PCDHA4: variants seen among roughly 807,000 people sequenced by gnomAD.
PCDHA4 encodes the protein protocadherin alpha 4.
A neutral mutation model predicts 61.4 loss-of-function variants in PCDHA4; 49 were observed. The ratio of observed to expected loss-of-function variants is 0.80; its 90% CI spans 0.63 to 1.01. PCDHA4 has a LOEUF of 1.01. PCDHA4 is among the 50% of genes least tolerant of loss of function. The probability of loss-of-function intolerance (pLI) is 0.00; values close to 1 mark genes in which losing one functional copy is unlikely to be tolerated. For synonymous variants in PCDHA4, 590 were observed against 550.3 expected (o/e 1.07, Z -1.01); for missense variants, 1,254 against 1,235.8 (o/e 1.01, Z -0.22).
At chr5:140,829,846 G>T in intron 1 of PCDHA4, 1 of 1,613,940 alleles carries the variant, frequency 6.2e-7, no homozygotes, top group Non-Finnish European at 8.5e-7. Flanking sequence ...CGCGGTCACT[G>T]GGTGCAGGCC....
Position 140,849,731 on chromosome 5 carries a change from T to C in PCDHA4, c.2385+40159T>C, listed in dbSNP as rs2150447251. 21,072 of 1,598,236 alleles carry C rather than the reference T, an allele frequency of 0.013. 2,656 individuals are homozygous for C. In the African/African-American group the frequency reaches 0.2, roughly 15 times the overall value. ...ACTACTCGTTGGTGCTGGACAGAGC[T>C]CTGGACCGCGAGAGTGTGTCCGCCT... is the stretch of plus-strand genomic sequence containing the variant. On this transcript the variant is annotated intron_variant, in intron 1 of 3. Transcript: ENST00000530339.
intron 1 of PCDHA4, among the ~76,000 whole-genome samples, chr5:140,898,151 CT>C (rs2066567806): frequency 6.6e-6 from 1 of 152,158 alleles, no homozygotes; most frequent in Admixed American, 6.5e-5. Context: ...CCTGTTCACG[CT>C]GATGGTGGTT....
At chr5:140,822,195 CATTTTA>C (rs2150114492) in intron 1 of PCDHA4, 1 of 1,614,118 alleles carries the variant, frequency 6.2e-7, no homozygotes, top group Non-Finnish European at 8.5e-7. Context: ...AAAGATTATT[CATTTTA>C]GAGTCAAGAA....
intron 1 of PCDHA4, chr5:140,850,397 G>A: frequency 1.3e-6 from 2 of 1,597,954 alleles, no homozygotes; most frequent in Non-Finnish European, 1.7e-6. Context: ...TCAGCACAAC[G>A]CGTGCCCTGG....
chr5:140,870,655 G>A (rs1554164527), intron 1 of PCDHA4: 1 of 1,612,540 alleles, frequency 6.2e-7, no homozygotes, highest in Non-Finnish European at 8.5e-7. Context: ...CAAGGTGTAC[G>A]CGCTGCAGCC....
At chr5:140,951,440 A>G (rs1296002857) in intron 1 of PCDHA4, among the ~76,000 whole-genome samples, 2 of 152,004 alleles carry the variant, frequency 1.3e-5, no homozygotes, top group Non-Finnish European at 2.9e-5. Flanking sequence ...TGTAGGAAGC[A>G]TGATGCCGGC....
intron 1 of PCDHA4, chr5:140,967,316 A>G (rs368129984): frequency 4.3e-6 from 7 of 1,610,310 alleles, no homozygotes; most frequent in African/African-American, 4.0e-5. Context: ...CTCAGTACAG[A>G]CCTACGAGCT....
At position 140,853,857 on chromosome 5, in the gene PCDHA4, A is replaced by C. The variant is rs2042888129; in HGVS notation, c.2385+44285A>C. ...AATTTTAGATCCATAGCCCTATTTG[A>C]TACTTGACAGTGCAAGTTTCTGTAA... On this transcript the variant is annotated intron_variant, in intron 1 of 3. Transcript: ENST00000530339. 6.1e-6 allele frequency: 6 copies of C among 985,610 alleles called. 1 individual carries two copies. The highest frequency in any genetic ancestry group is 7.3e-6 in the Non-Finnish European group (6 of 817,684). 61.1% of individuals were successfully genotyped at this position (985,610 alleles called of 1,614,324 possible).
At chr5:140,898,054 A>G (rs1401215235) in intron 1 of PCDHA4, among the ~76,000 whole-genome samples, 2 of 151,638 alleles carry the variant, frequency 1.3e-5, no homozygotes, top group African/African-American at 4.8e-5. Flanking sequence ...TTTTCTTGTA[A>G]ATTTGTTTGA....
intron 1 of PCDHA4, among the ~76,000 whole-genome samples, chr5:140,957,275 C>T (rs1203444899): frequency 6.6e-6 from 1 of 152,158 alleles, no homozygotes; most frequent in African/African-American, 2.4e-5. Flanking sequence ...CTAGTCCCCC[C>T]TTACCTGCAG....
rs189730532 is a variant in PCDHA4, at chr5:140,870,328, G to T, written c.2385+60756G>T. 1.5e-5 allele frequency: 24 copies of T among 1,614,208 alleles called. 2 individuals carry two copies. In the East Asian group the frequency reaches 4.7e-4, roughly 31 times the overall value. Reference sequence around the variant, plus strand: ...CAAGAATTACTACTCGTTGGTGCTGGACAGCGCCCTGGACCGCGAGAACGT... The same window carrying T: ...CAAGAATTACTACTCGTTGGTGCTGTACAGCGCCCTGGACCGCGAGAACGT... On this transcript the variant is annotated intron_variant, in intron 1 of 3. Transcript: ENST00000530339.
chr5:140,950,749 C>G (rs1202993675), intron 1 of PCDHA4, among the ~76,000 whole-genome samples: 5 of 152,002 alleles, frequency 3.3e-5, no homozygotes, highest in African/African-American at 4.8e-5. Flanking sequence ...TTCTCTCTAT[C>G]CTTTCTGGAC....
intron 1 of PCDHA4, chr5:140,930,058 C>T (rs1186770970): frequency 6.6e-6 from 1 of 152,172 alleles, no homozygotes; most frequent in Non-Finnish European, 1.5e-5. Context: ...TTTGCTTACA[C>T]AAAAACTGTA....
In PCDHA4 at chr5:140,927,058, C is replaced by G. The variant is rs376173105; in HGVS notation, c.2386-51891C>G. ...GGCCGCTATGTCCTCGCGGAACTTT[C>G]GCTTCCTTTCCAGCCACCGCGAGCT... On this transcript the variant is annotated intron_variant, in intron 1 of 3. Coordinates refer to ENST00000530339, the MANE Select transcript of PCDHA4 (RefSeq NM_018907.4). 17 of 1,611,136 alleles carry G rather than the reference C, an allele frequency of 1.1e-5. No homozygotes were observed. The South Asian group carries it at 1.2e-4, about 11-fold the overall frequency.
intron 1 of PCDHA4, chr5:140,822,819 G>C: frequency 6.2e-7 from 1 of 1,614,174 alleles, no homozygotes; most frequent in South Asian, 1.1e-5. Context: ...ATACCCCAGA[G>C]ATGGCCATAA....
intron 1 of PCDHA4, among the ~76,000 whole-genome samples, chr5:140,838,217 A>C (rs1332894700): frequency 6.7e-6 from 1 of 150,262 alleles, no homozygotes; most frequent in Non-Finnish European, 1.5e-5. Context: ...TGGTACAAGC[A>C]GTTCTCATGC....
chr5:140,838,280 A>ATTTTTTTTTT (rs34299325), intron 1 of PCDHA4, among the ~76,000 whole-genome samples: 1 of 139,572 alleles, frequency 7.2e-6, no homozygotes, highest in African/African-American at 2.7e-5. Flanking sequence ...AGCCATGCTA[A>ATTTTTTTTTT]TTTTTTTTTT....
intron 1 of PCDHA4, chr5:140,814,197 T>C (rs2126652727): frequency 6.6e-6 from 1 of 152,576 alleles, no homozygotes; most frequent in Admixed American, 6.5e-5. Flanking sequence ...TTTTTTTATT[T>C]TTTTCACTTT....
chr5:140,978,103 A>T (rs2096789005), intron 1 of PCDHA4, among the ~76,000 whole-genome samples: 1 of 152,106 alleles, frequency 6.6e-6, no homozygotes, highest in South Asian at 2.1e-4. Context: ...AACTCCCCCA[A>T]CAGTCTTTAA....
Sources: gnomAD v4.1 joint callset for allele counts (sites outside exome capture counted in the v4.1 genomes callset) on GRCh38, gnomAD v4.1.1 for gene constraint, MANE v1.5 for transcripts, NCBI Gene and HGNC (gene_info 2026-07-23, HGNC 2026-07-21) for gene names.